Variants in RPS6KA2 observed in about 807,000 individuals in gnomAD.
RPS6KA2 encodes the protein ribosomal protein S6 kinase A2, also known as ribosomal protein S6 kinase alpha-2.
A neutral mutation model predicts 91.8 loss-of-function variants in RPS6KA2; 42 were observed. The ratio of observed to expected loss-of-function variants is 0.46; its 90% CI spans 0.36 to 0.59. The LOEUF is 0.59. Among genes scored for constraint, RPS6KA2 ranks in the 20% least tolerant of loss-of-function variants. RPS6KA2 has a pLI of 0.00. For synonymous variants in RPS6KA2, 414 were observed against 393.6 expected (o/e 1.05, Z -0.61); for missense variants, 798 against 978.5 (o/e 0.82, Z 2.46).
intron 2 of RPS6KA2, among the ~76,000 whole-genome samples, chr6:166,707,817 G>A (rs753989153): frequency 4.6e-5 from 7 of 151,902 alleles, no homozygotes; most frequent in Non-Finnish European, 5.9e-5. Context: ...TGGCTCCTAG[G>A]CTGGTGGCCT....
intron 2 of RPS6KA2, among the ~76,000 whole-genome samples, chr6:166,834,473 G>A (rs772491488): frequency 6.6e-5 from 10 of 152,150 alleles, no homozygotes; most frequent in Non-Finnish European, 1.5e-4. Flanking sequence ...GAGGGTAGAG[G>A]GTGGGAGGAG....
intron 12 of RPS6KA2, among the ~76,000 whole-genome samples, chr6:166,457,744 C>T (rs1185591240): frequency 6.6e-6 from 1 of 152,214 alleles, no homozygotes; most frequent in Non-Finnish European, 1.5e-5. Flanking sequence ...TCTGCACACG[C>T]TCACACCCTC....
intron 2 of RPS6KA2, among the ~76,000 whole-genome samples, chr6:166,661,708 C>T (rs918809390): frequency 3.3e-5 from 5 of 152,056 alleles, no homozygotes; most frequent in African/African-American, 1.2e-4. Flanking sequence ...TAAGTCAAAT[C>T]GAATAGCTTC....
chr6:166,633,913 T>C (rs1160307744), intron 2 of RPS6KA2, among the ~76,000 whole-genome samples: 1 of 151,808 alleles, frequency 6.6e-6, no homozygotes, highest in Non-Finnish European at 1.5e-5. Context: ...AGCTGGCCCA[T>C]GGGGAGGGAG....
intron 1 of RPS6KA2, among the ~76,000 whole-genome samples, chr6:166,579,185 A>C (rs534219001): frequency 6.6e-5 from 10 of 152,366 alleles, no homozygotes; most frequent in African/African-American, 1.9e-4. Flanking sequence ...TATGCTGTTT[A>C]GAAAACAATC....
intron 2 of RPS6KA2, among the ~76,000 whole-genome samples, chr6:166,653,131 G>A (rs1787908931): frequency 6.6e-6 from 1 of 152,216 alleles, no homozygotes; most frequent in African/African-American, 2.4e-5. Context: ...CATGATCTTG[G>A]CTCACTGCAA....
intron 12 of RPS6KA2, among the ~76,000 whole-genome samples, chr6:166,455,722 G>T (rs780837712): frequency 1.3e-5 from 2 of 152,226 alleles, no homozygotes; most frequent in African/African-American, 4.8e-5. Flanking sequence ...GCTCGAGGAG[G>T]AGGCGCTCCT....
At chr6:166,835,830 T>C (rs1442820377) in intron 2 of RPS6KA2, among the ~76,000 whole-genome samples, 3 of 152,252 alleles carry the variant, frequency 2.0e-5, no homozygotes, top group Non-Finnish European at 4.4e-5. Flanking sequence ...GCCTTCCATC[T>C]TTCACATTAG....
intron 1 of RPS6KA2, among the ~76,000 whole-genome samples, chr6:166,550,068 T>C (rs1783948140): frequency 6.6e-6 from 1 of 152,224 alleles, no homozygotes; most frequent in Non-Finnish European, 1.5e-5. Flanking sequence ...ATATGATGAT[T>C]ACCGTGACAT....
At chr6:166,654,476 C>G (rs915392599) in intron 2 of RPS6KA2, among the ~76,000 whole-genome samples, 2 of 152,134 alleles carry the variant, frequency 1.3e-5, no homozygotes, top group Admixed American at 6.5e-5. Context: ...GTGCATCAAA[C>G]TGACACGAGC....
intron 1 of RPS6KA2, chr6:166,586,531 T>C: frequency 6.5e-7 from 1 of 1,530,030 alleles, no homozygotes; most frequent in South Asian, 1.2e-5. Flanking sequence ...TTAGGTTGTT[T>C]AAATCCGCCA....
At chr6:166,680,440 T>C (rs1211660460) in intron 2 of RPS6KA2, among the ~76,000 whole-genome samples, 5 of 152,188 alleles carry the variant, frequency 3.3e-5, no homozygotes, top group Admixed American at 6.5e-5. Flanking sequence ...ACCTACCTGC[T>C]CTGGTCCCCT....
chr6:166,540,437 G>C (rs1783617866), intron 1 of RPS6KA2, among the ~76,000 whole-genome samples: 1 of 103,304 alleles, frequency 9.7e-6, no homozygotes. Flanking sequence ...TGCTATTTTT[G>C]TAAAAACAGT....
upstream of RPS6KA2, among the ~76,000 whole-genome samples, chr6:166,631,435 G>A (rs1167204035): frequency 1.3e-5 from 2 of 152,186 alleles, no homozygotes; most frequent in African/African-American, 4.8e-5. Context: ...ATCCAACCTG[G>A]GTAGGAAGGC....
Position 166,608,200 on chromosome 6 carries a change from C to T in RPS6KA2, c.99+18721G>A, listed in dbSNP as rs189152941. Among the ~76,000 whole-genome samples the T allele has an allele frequency of 3.9e-5, 6 of 152,224 alleles. No individual in the cohort carries two copies. In the East Asian group the frequency reaches 9.6e-4, roughly 24 times the overall value. On this transcript the variant is annotated intron_variant, in intron 1 of 20. Coordinates refer to ENST00000265678, the MANE Select transcript of RPS6KA2 (RefSeq NM_021135.6). The stretch of plus-strand genomic sequence containing the variant: ...TGGCTTAGTGTATGATAAGTAATTT[C>T]CTCAGGATATTTGCTTCCTGGCAAC...
At chr6:166,644,440 C>T (rs572411729) in intron 2 of RPS6KA2, among the ~76,000 whole-genome samples, 21 of 152,182 alleles carry the variant, frequency 1.4e-4, no homozygotes, top group African/African-American at 3.9e-4. Flanking sequence ...CATGTCCTTC[C>T]GGGAACAACT....
chr6:166,485,294 G>A (rs1449517250), intron 10 of RPS6KA2, among the ~76,000 whole-genome samples: 1 of 152,272 alleles, frequency 6.6e-6, no homozygotes, highest in Non-Finnish European at 1.5e-5. Context: ...AAACTTCAGA[G>A]TTGAGAGATG....
At chr6:166,716,585 G>A (rs1232384255) in intron 2 of RPS6KA2, among the ~76,000 whole-genome samples, 1 of 152,148 alleles carries the variant, frequency 6.6e-6, no homozygotes, top group Non-Finnish European at 1.5e-5. Flanking sequence ...CGACCAAAAC[G>A]TCCCTCTGCA....
chr6:166,430,738 C>A (rs1380645365), intron 15 of RPS6KA2, 127 bp from the exon 16 acceptor site: 18 of 898,908 alleles, frequency 2.0e-5, no homozygotes, highest in Non-Finnish European at 2.9e-5. Context: ...TATGGGAGTG[C>A]AAACAAGGCT....
Sources: allele counts gnomAD v4.1 joint callset (sites outside exome capture counted in the v4.1 genomes callset), GRCh38; gene constraint gnomAD v4.1.1; transcripts MANE v1.5; gene names NCBI Gene and HGNC (gene_info 2026-07-23, HGNC 2026-07-21).